CNTN5: variants seen among roughly 807,000 people sequenced by gnomAD.
CNTN5 encodes contactin-5.
Under a neutral mutation model 129.1 loss-of-function variants are expected in CNTN5, and 77 were observed. That is an observed-to-expected ratio of 0.60 (90% CI 0.50 to 0.72). The LOEUF is 0.72. Ranked by LOEUF, CNTN5 falls within the 30% of genes least tolerant of loss-of-function variation. The pLI is 0.00. For synonymous variants in CNTN5, 509 were observed against 465.6 expected (o/e 1.09, Z -1.20); for missense variants, 1,478 against 1,328.8 (o/e 1.11, Z -1.75).
intron 2 of CNTN5, among the ~76,000 whole-genome samples, chr11:99,491,550 A>G (rs1946037358): frequency 6.6e-6 from 1 of 152,146 alleles, no homozygotes; most frequent in Non-Finnish European, 1.5e-5. Flanking sequence ...GGAGGGACCA[A>G]TCCTGTTTCT....
chr11:99,350,555 C>T (rs1938225802), intron 2 of CNTN5, among the ~76,000 whole-genome samples: 1 of 151,994 alleles, frequency 6.6e-6, no homozygotes, highest in Admixed American at 6.6e-5. Context: ...TAGGAAGAGT[C>T]CTGCTGTCTG....
chr11:100,060,844 T>G (rs1036801137), intron 9 of CNTN5, among the ~76,000 whole-genome samples: 2 of 152,056 alleles, frequency 1.3e-5, no homozygotes, highest in African/African-American at 4.8e-5. Flanking sequence ...TTTCACCATG[T>G]TGCCCAGGCT....
At chr11:99,785,358 C>T (rs531703119) in intron 3 of CNTN5, among the ~76,000 whole-genome samples, 76 of 152,000 alleles carry the variant, frequency 5.0e-4, no homozygotes, top group Non-Finnish European at 9.7e-4. Context: ...GTTGTCTGTT[C>T]ACTCTGATGA....
intron 21 of CNTN5, among the ~76,000 whole-genome samples, chr11:100,333,754 C>T (rs1020236960): frequency 5.3e-5 from 8 of 152,094 alleles, no homozygotes; most frequent in African/African-American, 1.9e-4. Flanking sequence ...AAACTGGATC[C>T]TCATCTCTCA....
chr11:99,447,945 A>G (rs2135177762), intron 2 of CNTN5, among the ~76,000 whole-genome samples: 1 of 152,318 alleles, frequency 6.6e-6, no homozygotes, highest in Non-Finnish European at 1.5e-5. Flanking sequence ...AAAATAAAAA[A>G]GTACTAGTTA....
chr11:100,156,589 C>G lies in CNTN5; in HGVS notation c.1581-34537C>G, dbSNP rs190760730. Among the ~76,000 whole-genome samples, 1,236 of 152,160 alleles carry G rather than the reference C, an allele frequency of 8.1e-3. 16 individuals are homozygous for G. Among genetic ancestry groups the G allele is most frequent in the African/African-American group, 0.028 (1,149 of 41,534 alleles). On this transcript the variant is annotated intron_variant, in intron 13 of 24. Transcript: ENST00000524871. ...TTCAGAAGGAATGGTACCAGCTCCTCTTTGTACCTCTGGTAGAATTTGGCT... is the reference window on the plus strand; with the variant it reads ...TTCAGAAGGAATGGTACCAGCTCCTGTTTGTACCTCTGGTAGAATTTGGCT...
At chr11:99,809,885 T>A (rs897086806) in intron 3 of CNTN5, among the ~76,000 whole-genome samples, 1 of 152,162 alleles carries the variant, frequency 6.6e-6, no homozygotes, top group African/African-American at 2.4e-5. Flanking sequence ...CAGTTAAAAC[T>A]TTACTGAAAT....
In CNTN5 at chr11:100,281,376, GTTT is replaced by G. The variant is rs1049539600; in HGVS notation, c.2314+10141_2314+10143del. 1.6e-4 allele frequency among the ~76,000 whole-genome samples: 25 copies of G among 152,030 alleles called. 1 individual carries two copies. The South Asian group carries it at 4.8e-3, about 29-fold the overall frequency. On this transcript the variant is annotated intron_variant, in intron 18 of 24. Transcript: ENST00000524871. ...CCAGATATAATACTCTATGGTAAAA[GTTT>G]TTTTTCATTAGCACTTTAAATATGT... is the stretch of plus-strand genomic sequence containing the variant.
At chr11:100,069,326 T>G (rs1591175844) in intron 10 of CNTN5, among the ~76,000 whole-genome samples, 2 of 151,976 alleles carry the variant, frequency 1.3e-5, no homozygotes, top group East Asian at 3.9e-4. Flanking sequence ...ATAATTTTTT[T>G]TTTTTTATTT....
intron 2 of CNTN5, among the ~76,000 whole-genome samples, chr11:99,357,716 T>C (rs1036956769): frequency 3.3e-5 from 5 of 152,124 alleles, no homozygotes; most frequent in African/African-American, 9.7e-5. Context: ...AAATTTAAGT[T>C]AACACTGCTA....
intron 7 of CNTN5, among the ~76,000 whole-genome samples, chr11:99,943,552 T>A (rs1950490013): frequency 6.6e-6 from 1 of 152,136 alleles, no homozygotes. Context: ...ATCCCATTTG[T>A]CAGTGTTCGC....
chr11:100,321,847 A>G (rs948663648), intron 21 of CNTN5, among the ~76,000 whole-genome samples: 1 of 152,178 alleles, frequency 6.6e-6, no homozygotes, highest in African/African-American at 2.4e-5. Context: ...GATGTATTAC[A>G]TTTATTGATT....
chr11:99,530,841 T>A (rs1190194208), intron 2 of CNTN5, among the ~76,000 whole-genome samples: 1 of 152,254 alleles, frequency 6.6e-6, no homozygotes, highest in African/African-American at 2.4e-5. Context: ...GCCATGATTA[T>A]GAGTCTTCCT....
intron 1 of CNTN5, among the ~76,000 whole-genome samples, chr11:99,096,340 A>G (rs960354662): frequency 5.3e-5 from 8 of 151,798 alleles, no homozygotes; most frequent in African/African-American, 9.7e-5. Context: ...GACTTTGGTG[A>G]CAGTAAGTAG....
chr11:100,296,744 G>A (rs191426361), intron 18 of CNTN5, among the ~76,000 whole-genome samples: 1 of 151,648 alleles, frequency 6.6e-6, no homozygotes, highest in East Asian at 1.9e-4. Context: ...AAAAGGCTGT[G>A]TGAATACCTA....
chr11:99,634,976 T>C (rs1009170836), intron 3 of CNTN5, among the ~76,000 whole-genome samples: 3 of 152,128 alleles, frequency 2.0e-5, no homozygotes, highest in Non-Finnish European at 4.4e-5. Context: ...AGGAAATAGA[T>C]AAATAGAAGA....
intron 2 of CNTN5, among the ~76,000 whole-genome samples, chr11:99,544,468 A>C (rs1313251935): frequency 5.3e-5 from 8 of 152,352 alleles, no homozygotes; most frequent in African/African-American, 1.9e-4. Flanking sequence ...TGCTGAGAAC[A>C]TAATGAAATT....
intron 3 of CNTN5, among the ~76,000 whole-genome samples, chr11:99,723,268 T>C (rs1261120351): frequency 2.0e-5 from 3 of 152,118 alleles, no homozygotes; most frequent in Admixed American, 6.6e-5. Flanking sequence ...ATTTCTTCCA[T>C]GGTTCCTCTC....
At chr11:99,513,200 G>A (rs1336494015) in intron 2 of CNTN5, among the ~76,000 whole-genome samples, 1 of 152,158 alleles carries the variant, frequency 6.6e-6, no homozygotes, top group Non-Finnish European at 1.5e-5. Flanking sequence ...ACAGAGAAAA[G>A]CCCTTACTCT....
Sources: gnomAD v4.1 joint callset for allele counts (sites outside exome capture counted in the v4.1 genomes callset) on GRCh38, gnomAD v4.1.1 for gene constraint, MANE v1.5 for transcripts, NCBI Gene and HGNC (gene_info 2026-07-23, HGNC 2026-07-21) for gene names.